COL14A1: variants seen among roughly 807,000 people sequenced by gnomAD.
COL14A1 encodes collagen alpha-1(XIV) chain.
Under a neutral mutation model 230.3 loss-of-function variants are expected in COL14A1, and 136 were observed. The observed-to-expected ratio is 0.59, with a 90% confidence interval of 0.51 to 0.68. The LOEUF (loss-of-function observed/expected upper bound fraction) is 0.68, where lower values mean the gene tolerates loss of function less well. COL14A1 is among the 30% of genes least tolerant of loss of function. The pLI is 0.00. For missense variants in COL14A1, 1,976 were observed against 2,215.8 expected (o/e 0.89, Z 2.17); for synonymous variants, 792 against 784.1 (o/e 1.01, Z -0.17).
intron 1 of COL14A1, among the ~76,000 whole-genome samples, chr8:120,127,553 A>T (rs1586700361): frequency 6.6e-6 from 1 of 152,160 alleles, no homozygotes; most frequent in African/African-American, 2.4e-5. Context: ...GCATGTCTTG[A>T]TTTTTCAGAA....
chr8:120,231,491 T>C lies in COL14A1; in HGVS notation c.2222T>C (p.Leu741Pro). 4 of 1,613,144 alleles carry C rather than the reference T, an allele frequency of 2.5e-6. No homozygotes were observed. Among genetic ancestry groups the C allele is most frequent in the Non-Finnish European group, 3.4e-6 (4 of 1,179,768 alleles). Reference sequence around the variant, plus strand: ...GTTTTCCAGACGGGAATCAGAAACCTAGTTGTAGGTGATGAAACTACTTCT... The same window carrying C: ...GTTTTCCAGACGGGAATCAGAAACCCAGTTGTAGGTGATGAAACTACTTCT... Reference protein sequence around the residue: ...TSVFQTGIRNLVVGDETTSSL... With the variant: ...TSVFQTGIRNPVVGDETTSSL... Residue 741 changes from leucine to proline, a missense_variant, in exon 19 of 48, where the codon CTA becomes CCA. Physicochemically the swap from Leu to Pro is moderately conservative, Grantham distance 98. This residue lies in a region of COL14A1 where 1,791 missense variants were observed against 2,019.5 expected (regional missense o/e 0.89). Coordinates refer to ENST00000297848, the MANE Select transcript of COL14A1 (RefSeq NM_021110.4).
intron 1 of COL14A1, 59 bp downstream of exon 1, chr8:120,125,399 G>A (rs1271209514): frequency 2.0e-5 from 3 of 152,392 alleles, no homozygotes; most frequent in Non-Finnish European, 4.4e-5. Context: ...TCATGAGCAA[G>A]GAAAAGTGGA....
chr8:120,209,715 A>G, intron 11 of COL14A1, 41 bp from the exon 12 acceptor site: 1 of 1,564,934 alleles, frequency 6.4e-7, no homozygotes, highest in Non-Finnish European at 8.6e-7. Flanking sequence ...TCAAGGACAC[A>G]TATATAAGTG....
intron 40 of COL14A1, among the ~76,000 whole-genome samples, chr8:120,323,736 G>T (rs868113062): frequency 6.6e-6 from 1 of 152,048 alleles, no homozygotes; most frequent in Non-Finnish European, 1.5e-5. Context: ...TTGGTGTGTG[G>T]TCTTATTTCT....
At chr8:120,354,270 T>C (rs369060620) in intron 45 of COL14A1, among the ~76,000 whole-genome samples, 1,173 of 103,482 alleles carry the variant, frequency 0.011, 30 homozygotes, top group African/African-American at 0.041. Flanking sequence ...AGGGATAGCA[T>C]TGGGAGATAT....
intron 46 of COL14A1, among the ~76,000 whole-genome samples, chr8:120,369,079 G>C (rs887890766): frequency 6.6e-6 from 1 of 152,210 alleles, no homozygotes; most frequent in Non-Finnish European, 1.5e-5. Flanking sequence ...AGAGGAAATA[G>C]AAAAGATGCA....
chr8:120,203,433 C>T (rs181659841), intron 8 of COL14A1, among the ~76,000 whole-genome samples: 2 of 152,084 alleles, frequency 1.3e-5, no homozygotes, highest in Admixed American at 6.5e-5. Context: ...TATGCTCGCT[C>T]TTCCCTTTTT....
Position 120,216,474 on chromosome 8 carries a change from G to A in COL14A1, c.1721G>A (p.Gly574Glu), listed in dbSNP as rs747111651. ...CGAATTGTATATAACAATGCAGATG[G>A]GACTGAAATCAATGAGGTAAGTTCC... The part of the protein sequence containing the change: ...GYRIVYNNAD[G>E]TEINEVEVDP... The change falls in exon 14 of 48, where the codon GGG (glycine) becomes GAG (glutamate). Residue 574 changes from glycine to glutamate, a missense_variant. Physicochemically the swap from Gly to Glu is moderately conservative, Grantham distance 98. Transcript: ENST00000297848. 2 of 1,608,408 alleles carry A rather than the reference G, an allele frequency of 1.2e-6. No individual in the cohort carries two copies. Among genetic ancestry groups the A allele is most frequent in the Non-Finnish European group, 1.7e-6 (2 of 1,178,456 alleles).
intron 19 of COL14A1, among the ~76,000 whole-genome samples, chr8:120,239,880 T>C (rs1251274781): frequency 2.6e-5 from 4 of 151,808 alleles, no homozygotes; most frequent in East Asian, 1.9e-4. Context: ...TTCTGAGAAA[T>C]ACATTAAGCT....
At chr8:120,333,469 G>C (rs189924105) in intron 42 of COL14A1, among the ~76,000 whole-genome samples, 1 of 152,308 alleles carries the variant, frequency 6.6e-6, no homozygotes, top group Admixed American at 6.5e-5. Context: ...TCTGTGAATT[G>C]CTAAGTCTAC....
At chr8:120,191,146 A>G (rs550575755) in intron 5 of COL14A1, among the ~76,000 whole-genome samples, 369 of 114,726 alleles carry the variant, frequency 3.2e-3, no homozygotes, top group African/African-American at 8.3e-3. Flanking sequence ...TAGGGTGTCA[A>G]TTTTGGATCT....
chr8:120,180,681 A>G (rs1250569624), intron 5 of COL14A1, among the ~76,000 whole-genome samples: 5 of 147,806 alleles, frequency 3.4e-5, no homozygotes, highest in Non-Finnish European at 7.4e-5. Flanking sequence ...GAGCAACCCC[A>G]ATCTCATATG....
At chr8:120,342,134 G>A (rs2130269559) in intron 43 of COL14A1, among the ~76,000 whole-genome samples, 1 of 152,276 alleles carries the variant, frequency 6.6e-6, no homozygotes, top group South Asian at 2.1e-4. Flanking sequence ...AAATTTTTTA[G>A]AATAGGGGAC....
rs1271546700 is a variant in COL14A1, at chr8:120,344,928, C to G, written c.4889-447C>G. ...AGGTTCCTAAAAAAAGGCTTGATGA[C>G]CAAGAGATGAGTTGAGACAGAGCAC... On this transcript the variant is annotated intron_variant, in intron 44 of 47. Coordinates refer to ENST00000297848, the MANE Select transcript of COL14A1 (RefSeq NM_021110.4). Among the ~76,000 whole-genome samples, 6 of 152,100 alleles carry G rather than the reference C, an allele frequency of 3.9e-5. No individual in the cohort carries two copies. The East Asian group carries it at 5.8e-4, about 15-fold the overall frequency.
intron 45 of COL14A1, among the ~76,000 whole-genome samples, chr8:120,356,907 C>T (rs1823007632): frequency 6.6e-6 from 1 of 152,028 alleles, no homozygotes; most frequent in Non-Finnish European, 1.5e-5. Flanking sequence ...ATCTGAAGGT[C>T]TAGTGGATTG....
At chr8:120,270,408 G>A (rs577087244) in intron 26 of COL14A1, among the ~76,000 whole-genome samples, 1 of 151,744 alleles carries the variant, frequency 6.6e-6, no homozygotes, top group South Asian at 2.1e-4. Context: ...AAGGTAGAAA[G>A]TCCATGTCAG....
intron 2 of COL14A1, among the ~76,000 whole-genome samples, chr8:120,155,323 C>T (rs1008318657): frequency 3.3e-5 from 5 of 152,068 alleles, no homozygotes; most frequent in Non-Finnish European, 7.4e-5. Context: ...GAATGGAAGC[C>T]GATGCCACTC....
intron 5 of COL14A1, among the ~76,000 whole-genome samples, chr8:120,187,869 T>C (rs1816695046): frequency 6.6e-6 from 1 of 152,140 alleles, no homozygotes; most frequent in Non-Finnish European, 1.5e-5. Flanking sequence ...CTGAAGTCAG[T>C]ATATAGCCCT....
intron 13 of COL14A1, 21 bp from the exon 14 acceptor site, chr8:120,216,330 T>G: frequency 6.3e-7 from 1 of 1,586,380 alleles, no homozygotes; most frequent in Non-Finnish European, 8.5e-7. Context: ...TTAATTATTT[T>G]CTATTCCATT....
Sources: gnomAD v4.1 joint callset for allele counts (sites outside exome capture counted in the v4.1 genomes callset) on GRCh38, gnomAD v4.1.1 for gene constraint, gnomAD v4.1.1 regional missense constraint, MANE v1.5 for transcripts, NCBI Gene and HGNC (gene_info 2026-07-23, HGNC 2026-07-21) for gene names.